HESX1: variants seen among roughly 807,000 people sequenced by gnomAD.
The protein encoded by HESX1 is HESX homeobox 1, also known as homeobox expressed in ES cells 1.
In HESX1, 11 loss-of-function variants were observed where a neutral mutation model predicts 22.5. The observed-to-expected ratio is 0.49, with a 90% CI of 0.31 to 0.81. The LOEUF (loss-of-function observed/expected upper bound fraction) is 0.81. HESX1 is among the 30% of genes least tolerant of loss of function. The pLI, the probability that HESX1 is intolerant of heterozygous loss-of-function variation, is 0.05. For missense variants in HESX1, 201 were observed against 212.6 expected (o/e 0.95, Z 0.34); for synonymous variants, 74 against 76.5 (o/e 0.97, Z 0.17).
upstream of HESX1, among the ~76,000 whole-genome samples, chr3:57,201,759 C>T (rs750599384): frequency 6.6e-6 from 1 of 151,690 alleles, no homozygotes; most frequent in African/African-American, 2.4e-5. Context: ...GATGCCACAG[C>T]GCATGCCAGA....
At chr3:57,212,742 C>G (rs1330951819) in intron 1 of HESX1, among the ~76,000 whole-genome samples, 1 of 152,124 alleles carries the variant, frequency 6.6e-6, no homozygotes, top group East Asian at 1.9e-4. Context: ...AGCGTTTCTC[C>G]TGCCTGTCTT....
At chr3:57,200,419 A>G (rs1260093163), upstream of HESX1, among the ~76,000 whole-genome samples, 1 of 152,252 alleles carries the variant, frequency 6.6e-6, no homozygotes, top group Non-Finnish European at 1.5e-5. Context: ...ATGGGAAAAA[A>G]TAATAATCTC....
chr3:57,204,638 T>A (rs1377453892), upstream of HESX1, among the ~76,000 whole-genome samples: 1 of 152,122 alleles, frequency 6.6e-6, no homozygotes, highest in Non-Finnish European at 1.5e-5. Flanking sequence ...TAGGTTTGCA[T>A]AAGATCATCC....
chr3:57,224,107 C>T (rs1246059311), intron 1 of HESX1, among the ~76,000 whole-genome samples: 1 of 152,108 alleles, frequency 6.6e-6, no homozygotes, highest in African/African-American at 2.4e-5. Context: ...ATTCTCCTGC[C>T]TCAGCCTCCC....
At chr3:57,212,634 C>G (rs897279955) in intron 1 of HESX1, among the ~76,000 whole-genome samples, 1 of 150,632 alleles carries the variant, frequency 6.6e-6, no homozygotes, top group South Asian at 2.1e-4. Flanking sequence ...AAAAAAGATT[C>G]ATTCTATACA....
intron 1 of HESX1, among the ~76,000 whole-genome samples, chr3:57,222,462 T>C (rs948806561): frequency 6.6e-6 from 1 of 152,054 alleles, no homozygotes; most frequent in Non-Finnish European, 1.5e-5. Flanking sequence ...TCTCACTATG[T>C]TGCACAGGTT....
chr3:57,198,305 AG>A lies in HESX1; in HGVS notation c.460-11del. On this transcript the variant is annotated splice_polypyrimidine_tract_variant and intron_variant, in intron 3 of 3. Transcript: ENST00000295934. ...GATTTTGAAACCAAATCTAAAGTTA[AG>A]GAAAAATAAAATAGGTCTCAGAAAC... 6.2e-7 allele frequency: 1 copy of A among 1,603,386 alleles called. No homozygotes were observed. The highest frequency in any genetic ancestry group is 8.5e-7 in the Non-Finnish European group (1 of 1,170,488).
intron 1 of HESX1, among the ~76,000 whole-genome samples, chr3:57,213,052 GACACACAC>G: frequency 6.7e-6 from 1 of 149,810 alleles, no homozygotes; most frequent in South Asian, 2.1e-4. Context: ...CCCATAGTGT[GACACACAC>G]ACACACACAC....
In HESX1 at chr3:57,198,224, T is replaced by G. The variant is rs1481713480; in HGVS notation, c.531A>C (p.Lys177Asn). The G allele has an allele frequency of 6.2e-7, 1 of 1,612,406 alleles. No homozygotes were observed. Among genetic ancestry groups the G allele is most frequent in the Non-Finnish European group, 8.5e-7 (1 of 1,178,796 alleles). ...HRESQFLMAK[K>N]NFNTNLLE Reference sequence around the variant, plus strand: ...ATTCCAGCAGATTTGTGTTGAAATTTTTTTTCGCCATTAGAAACTGTGATT... The same window carrying G: ...ATTCCAGCAGATTTGTGTTGAAATTGTTTTTCGCCATTAGAAACTGTGATT... The change falls in exon 4 of 4, where the codon AAA becomes AAC. Residue 177 changes from lysine to asparagine, a missense_variant. By Grantham distance (94) the Lys-to-Asn change is moderately conservative. Coordinates refer to ENST00000295934, the MANE Select transcript of HESX1 (RefSeq NM_003865.3).
chr3:57,222,097 C>T (rs1339429169), intron 1 of HESX1, among the ~76,000 whole-genome samples: 1 of 152,168 alleles, frequency 6.6e-6, no homozygotes, highest in Non-Finnish European at 1.5e-5. Context: ...ATCTAGTGTT[C>T]TTGGAAGCAC....
upstream of HESX1, among the ~76,000 whole-genome samples, chr3:57,203,776 A>T (rs970258687): frequency 7.9e-5 from 12 of 152,100 alleles, no homozygotes; most frequent in African/African-American, 2.9e-4. Context: ...GCTGGTCTTG[A>T]ACTCCTGACC....
At chr3:57,225,746 C>A (rs954720456) in intron 1 of HESX1, among the ~76,000 whole-genome samples, 2 of 152,150 alleles carry the variant, frequency 1.3e-5, no homozygotes, top group African/African-American at 4.8e-5. Flanking sequence ...TTTAGATGTA[C>A]ATAACATACT....
At chr3:57,214,307 C>T (rs978352067) in intron 1 of HESX1, among the ~76,000 whole-genome samples, 2 of 152,128 alleles carry the variant, frequency 1.3e-5, no homozygotes, top group Non-Finnish European at 2.9e-5. Flanking sequence ...TAAATAGTAA[C>T]ATTCTCTTTA....
chr3:57,205,792 C>G (rs2060516641), intron 1 of HESX1, among the ~76,000 whole-genome samples: 2 of 152,192 alleles, frequency 1.3e-5, no homozygotes, highest in African/African-American at 4.8e-5. Context: ...TATTCCACAG[C>G]ACTTAACCAC....
intron 1 of HESX1, among the ~76,000 whole-genome samples, chr3:57,217,578 C>T (rs1384391041): frequency 6.6e-6 from 1 of 152,186 alleles, no homozygotes; most frequent in African/African-American, 2.4e-5. Flanking sequence ...AAGCCCTTCT[C>T]TTCCTACTTG....
chr3:57,201,464 C>A (rs1304633719), upstream of HESX1, among the ~76,000 whole-genome samples: 4 of 151,860 alleles, frequency 2.6e-5, no homozygotes, highest in African/African-American at 9.7e-5. Context: ...TTGAGACATT[C>A]ATTATTTCCT....
At chr3:57,213,995 T>C (rs1276782116) in intron 1 of HESX1, among the ~76,000 whole-genome samples, 1 of 152,198 alleles carries the variant, frequency 6.6e-6, no homozygotes, top group African/African-American at 2.4e-5. Flanking sequence ...GGGAGTGCAC[T>C]AGGACTCAGA....
upstream of HESX1, among the ~76,000 whole-genome samples, chr3:57,201,560 G>T (rs749283264): frequency 3.3e-5 from 5 of 150,532 alleles, no homozygotes; most frequent in Non-Finnish European, 4.4e-5. Flanking sequence ...GGTGCAGGGT[G>T]GGGGGCAGGA....
intron 1 of HESX1, among the ~76,000 whole-genome samples, chr3:57,222,771 C>T (rs2060622436): frequency 6.6e-6 from 1 of 152,166 alleles, no homozygotes; most frequent in Non-Finnish European, 1.5e-5. Context: ...CACTTTTCCT[C>T]CAGAATTTCA....
Sources: allele counts gnomAD v4.1 joint callset (sites outside exome capture counted in the v4.1 genomes callset), GRCh38; gene constraint gnomAD v4.1.1; transcripts MANE v1.5; gene names NCBI Gene and HGNC (gene_info 2026-07-23, HGNC 2026-07-21).